SIM2: variants seen among roughly 807,000 people sequenced by gnomAD.
SIM2 encodes SIM bHLH transcription factor 2.
A neutral mutation model predicts 64.8 loss-of-function variants in SIM2; 28 were observed. The observed-to-expected ratio is 0.43, with a 90% CI of 0.32 to 0.59. The LOEUF (loss-of-function observed/expected upper bound fraction) is 0.59, where lower values mean the gene tolerates loss of function less well. Ranked by LOEUF, SIM2 falls within the 20% of genes least tolerant of loss-of-function variation. The pLI, the probability that SIM2 is intolerant of heterozygous loss-of-function variation, is 0.07. For synonymous variants in SIM2, 408 were observed against 391.1 expected (o/e 1.04, Z -0.51); for missense variants, 847 against 871.4 (o/e 0.97, Z 0.35).
chr21:36,735,735 G>C (rs1022418197), intron 7 of SIM2, among the ~76,000 whole-genome samples: 16 of 152,206 alleles, frequency 1.1e-4, no homozygotes, highest in Admixed American at 2.0e-4. Flanking sequence ...CCTCAACTAG[G>C]TCATTCCTTA....
chr21:36,744,609 C>G, intron 9 of SIM2, 119 bp from the exon 10 acceptor site: 1 of 1,264,334 alleles, frequency 7.9e-7, no homozygotes. Context: ...GCAGTGGTGG[C>G]GAGGGTAGGG....
chr21:36,715,735 T>G lies in SIM2; in HGVS notation c.348+3113T>G, dbSNP rs980615100. ...ACTACAAAGTGATTTTTTGTTTTGT[T>G]TTGTTTTTGGTCTAACCTCTACTAA... is the stretch of plus-strand genomic sequence containing the variant. On this transcript the variant is annotated intron_variant, in intron 3 of 10. Transcript: ENST00000290399. Among the ~76,000 whole-genome samples the G allele has an allele frequency of 5.3e-5, 8 of 152,334 alleles. No homozygotes were observed. In the East Asian group the frequency reaches 9.6e-4, roughly 18 times the overall value.
rs746926522 is a variant in SIM2, at chr21:36,745,005, C to T, written c.1445C>T (p.Thr482Ile). The change falls in exon 10 of 11, where the codon ACA becomes ATA. Residue 482 changes from threonine (T) to isoleucine (I), a missense_variant. Thr to Ile is a moderately conservative substitution (Grantham distance 89, BLOSUM62 -1). This residue lies in a region of SIM2 where 447 missense variants were observed against 414.6 expected (regional missense o/e 1.08). Coordinates refer to ENST00000290399, the MANE Select transcript of SIM2 (RefSeq NM_005069.6). The surrounding 1 kb of genome is among the most constrained non-coding windows in gnomAD (Gnocchi z 4.8). ...GAGGTGGCACGCTTTTTCCTGAGCA[C>T]ACTGCCAGCCAGCGGTGAATGCCAG... ...PCEVARFFLS[T>I]LPASGECQWH... 1.2e-6 allele frequency: 2 copies of T among 1,614,158 alleles called. No homozygotes were observed. The highest frequency in any genetic ancestry group is 1.3e-5 in the African/African-American group (1 of 74,962).
At chr21:36,720,175 G>A (rs1260742902) in intron 4 of SIM2, 3 of 481,610 alleles carry the variant, frequency 6.2e-6, no homozygotes, top group Non-Finnish European at 1.1e-5. Context: ...GCTAGGTAGA[G>A]GACAAAAGTG....
At chr21:36,702,992 G>C (rs1283568376) in intron 1 of SIM2, among the ~76,000 whole-genome samples, 1 of 150,224 alleles carries the variant, frequency 6.7e-6, no homozygotes, top group African/African-American at 2.4e-5. Context: ...AGGATCACCA[G>C]ATTAACCCTT....
At chr21:36,733,170 C>T (rs1455328137) in intron 7 of SIM2, among the ~76,000 whole-genome samples, 1 of 152,124 alleles carries the variant, frequency 6.6e-6, no homozygotes, top group East Asian at 1.9e-4. Context: ...TCACAGCGGG[C>T]TGAAAGGCAG....
chr21:36,746,908 T>C (rs922691656), intron 10 of SIM2, among the ~76,000 whole-genome samples: 1 of 152,172 alleles, frequency 6.6e-6, no homozygotes. Flanking sequence ...AGGTTAACAA[T>C]CTCCTTATCA....
intron 3 of SIM2, among the ~76,000 whole-genome samples, chr21:36,718,574 C>G (rs1431419169): frequency 1.3e-5 from 2 of 152,196 alleles, no homozygotes; most frequent in Admixed American, 6.5e-5. Flanking sequence ...CAGACCTACC[C>G]AAGATCCTTC....
At position 36,726,766 on chromosome 21, in the gene SIM2, T is replaced by C. The variant is rs993145100; in HGVS notation, c.743+448T>C. On this transcript the variant is annotated intron_variant, in intron 6 of 10. Coordinates refer to ENST00000290399, the MANE Select transcript of SIM2 (RefSeq NM_005069.6). The surrounding 1 kb of genome is among the most constrained non-coding windows in gnomAD (Gnocchi z 4.5). ...GTGTGGGGGGCCTTGGCACTCAGGC[T>C]GGTGTGAAGCCACCACAGGGCTGAG... Among the ~76,000 whole-genome samples, 2 of 152,148 alleles carry C rather than the reference T, an allele frequency of 1.3e-5. No homozygotes were observed. The highest frequency in any genetic ancestry group is 1.3e-4 in the Admixed American group (2 of 15,272).
Position 36,699,904 on chromosome 21 carries a change from G to GC in SIM2, c.159dup (p.Ala54ArgfsTer45). The GC allele has an allele frequency of 6.2e-7, 1 of 1,603,932 alleles. No homozygotes were observed. Among genetic ancestry groups the GC allele is most frequent in the Non-Finnish European group, 8.5e-7 (1 of 1,175,466 alleles). ...CTCACCACGAGCTACCTGAAGATGCGCGCCGTCTTCCCCGAAGGTGAGGCC... is the reference window on the plus strand; with the variant it reads ...CTCACCACGAGCTACCTGAAGATGCGCCGCCGTCTTCCCCGAAGGTGAGGCC... On this transcript the variant is annotated frameshift_variant, in exon 1 of 11. Coordinates refer to ENST00000290399, the MANE Select transcript of SIM2 (RefSeq NM_005069.6). LOFTEE classifies it high-confidence loss of function. This position sits in a 1 kb window ranked among gnomAD's most constrained non-coding sequence, Gnocchi z 5.6.
rs777452609 is a variant in SIM2 at position 36,731,084 on chromosome 21, C to T, written c.783C>T (p.Ile261=). The change falls in exon 7 of 11, where the codon ATC becomes ATT. Residue 261 remains isoleucine, a synonymous_variant. Transcript: ENST00000290399. The part of the protein sequence containing the change: ...EVTGYEPQDL[I]EKTLYHHVHG... ...CGGGGTACGAGCCGCAGGACCTGAT[C>T]GAGAAGACCCTATACCATCACGTGC... 5.8e-5 allele frequency: 93 copies of T among 1,613,974 alleles called. 3 individuals are homozygous for T. In the South Asian group the frequency reaches 6.5e-4, roughly 11 times the overall value.
chr21:36,701,107 A>G (rs1216115838), intron 1 of SIM2, among the ~76,000 whole-genome samples: 2 of 152,124 alleles, frequency 1.3e-5, no homozygotes, highest in African/African-American at 4.8e-5. Context: ...CTTTGCTGGG[A>G]GGCGCGCTGC....
intron 6 of SIM2, among the ~76,000 whole-genome samples, chr21:36,729,482 G>A (rs1360075447): frequency 6.6e-6 from 1 of 152,182 alleles, no homozygotes; most frequent in Non-Finnish European, 1.5e-5. Flanking sequence ...GAAACATGAG[G>A]CTCTCCGAGA....
At chr21:36,714,959 G>C (rs1432326247) in intron 3 of SIM2, among the ~76,000 whole-genome samples, 1 of 152,180 alleles carries the variant, frequency 6.6e-6, no homozygotes, top group Admixed American at 6.5e-5. Context: ...TGAGAGAGGA[G>C]AGGGGTTAGG....
chr21:36,699,760 C>A lies in SIM2; in HGVS notation c.14C>A (p.Ser5Tyr). ...AGCCGAGGCGCGATGAAGGAGAAGTCCAAGAATGCGGCCAAGACCAGGAGG... is the reference window on the plus strand; with the variant it reads ...AGCCGAGGCGCGATGAAGGAGAAGTACAAGAATGCGGCCAAGACCAGGAGG... MKEKSKNAAKTRREK... is the reference protein window; with the variant it reads MKEKYKNAAKTRREK... Residue 5 changes from serine to tyrosine, a missense_variant, in exon 1 of 11, where the codon TCC becomes TAC. This residue lies in a region of SIM2 where 397 missense variants were observed against 439.2 expected (regional missense o/e 0.90). Transcript: ENST00000290399. This position sits in a 1 kb window ranked among gnomAD's most constrained non-coding sequence, Gnocchi z 5.6. 1 of 1,612,810 alleles carries A rather than the reference C, an allele frequency of 6.2e-7. No individual in the cohort carries two copies.
intron 6 of SIM2, among the ~76,000 whole-genome samples, chr21:36,729,763 G>A (rs1236122146): frequency 1.3e-5 from 2 of 152,082 alleles, no homozygotes; most frequent in African/African-American, 2.4e-5. Context: ...CACCTCCTTC[G>A]AGGACATGGT....
At chr21:36,710,797 A>G (rs2088664399) in intron 2 of SIM2, among the ~76,000 whole-genome samples, 1 of 152,214 alleles carries the variant, frequency 6.6e-6, no homozygotes, top group Admixed American at 6.5e-5. Flanking sequence ...TACAACATAA[A>G]GCGCATGGTG....
At position 36,737,473 on chromosome 21, in the gene SIM2, G is replaced by A. The variant is rs558063179; in HGVS notation, c.851-4244G>A. Among the ~76,000 whole-genome samples the A allele has an allele frequency of 3.9e-5, 6 of 152,342 alleles. No individual in the cohort carries two copies. In the South Asian group the frequency reaches 1.0e-3, roughly 26 times the overall value. Reference sequence around the variant, plus strand: ...CTGTTGACCCAGACCCTCAGGGGGGGCTGAGCACAGCCTGGTCCATAGGTG... The same window carrying A: ...CTGTTGACCCAGACCCTCAGGGGGGACTGAGCACAGCCTGGTCCATAGGTG... On this transcript the variant is annotated intron_variant, in intron 7 of 10. Transcript: ENST00000290399.
intron 7 of SIM2, among the ~76,000 whole-genome samples, chr21:36,731,814 T>C (rs183789469): frequency 6.6e-6 from 1 of 152,168 alleles, no homozygotes; most frequent in Non-Finnish European, 1.5e-5. Flanking sequence ...CATCAGGATA[T>C]AGAGGCGGAT....
Sources: allele counts gnomAD v4.1 joint callset (sites outside exome capture counted in the v4.1 genomes callset), GRCh38; gene constraint gnomAD v4.1.1; regional missense constraint gnomAD v4.1.1; non-coding constraint Gnocchi (gnomAD v3.1); transcripts MANE v1.5; gene names NCBI Gene and HGNC (gene_info 2026-07-23, HGNC 2026-07-21).